The following POLH variants were observed in gnomAD, a reference collection of about 807,000 sequenced individuals.
POLH encodes the protein DNA polymerase eta.
POLH carries 53 observed loss-of-function variants against 73.6 expected under a neutral mutation model. The ratio of observed to expected loss-of-function variants is 0.72; its 90% confidence interval spans 0.58 to 0.91. The LOEUF (loss-of-function observed/expected upper bound fraction) is 0.91, where lower values mean the gene tolerates loss of function less well. Ranked by LOEUF, POLH falls within the 40% of genes least tolerant of loss-of-function variation. POLH has a pLI of 0.00. For missense variants in POLH, 768 were observed against 865.4 expected, an observed-to-expected ratio of 0.89 and a Z score of 1.41; for synonymous variants, 292 against 308.5, an observed-to-expected ratio of 0.95 and a Z score of 0.56.
chr6:43,595,845 C>CTT (rs112457060), intron 4 of POLH, among the ~76,000 whole-genome samples: 1 of 146,814 alleles, frequency 6.8e-6, no homozygotes, highest in Non-Finnish European at 1.5e-5. Context: ...ATGTATTTTT[C>CTT]TTTTTTTTTT....
At chr6:43,586,516 T>G (rs1764837050) in intron 3 of POLH, among the ~76,000 whole-genome samples, 1 of 152,074 alleles carries the variant, frequency 6.6e-6, no homozygotes, top group African/African-American at 2.4e-5. Flanking sequence ...ATCTGTATAT[T>G]GTCGTAGAAA....
At position 43,601,025 on chromosome 6, in the gene POLH, A is replaced by G. The variant is rs61756403; in HGVS notation, c.698A>G (p.Asn233Ser). The G allele has an allele frequency of 2.8e-4, 451 of 1,614,182 alleles. 3 individuals are homozygous for G. The Admixed American group carries it at 6.7e-3, about 24-fold the overall frequency. Residue 233 changes from asparagine (N) to serine (S), a missense_variant, in exon 6 of 11, where the codon AAC (asparagine) becomes AGC (serine). Physicochemically the swap from Asn to Ser is conservative, Grantham distance 46 (BLOSUM62 1). Transcript: ENST00000372236. ...CTGGCCTGTGGACTAAACAAGCCCA[A>G]CCGCCAAACCCTGGTTTCACATGGG... The part of the protein sequence containing the change: ...AKLACGLNKP[N>S]RQTLVSHGSV...
intron 4 of POLH, 151 bp from the exon 5 acceptor site, chr6:43,597,545 T>C: frequency 1.5e-6 from 1 of 671,714 alleles, no homozygotes; most frequent in Non-Finnish European, 2.6e-6. Context: ...GAAATTGAGC[T>C]CTCTTATAAT....
At position 43,617,295 on chromosome 6, in the gene POLH, C is replaced by T. The variant is rs1274592944; in HGVS notation, c.*2738C>T. Among the ~76,000 whole-genome samples the T allele has an allele frequency of 6.6e-6, 1 of 152,140 alleles. No homozygotes were observed. The highest frequency in any genetic ancestry group is 1.5e-5 in the Non-Finnish European group (1 of 68,050). The stretch of plus-strand genomic sequence containing the variant: ...TTATTAGAAATAGTCTCAGCCTCAC[C>T]ACTATTCCCACTTAATTGTAATCTG... On this transcript the variant is annotated 3_prime_UTR_variant, in exon 11 of 11. Coordinates refer to ENST00000372236, the MANE Select transcript of POLH (RefSeq NM_006502.3).
In POLH at chr6:43,614,814, G is replaced by GT; in HGVS notation, c.*258dup. 1 of 462,480 alleles carries GT rather than the reference G, an allele frequency of 2.2e-6. No homozygotes were observed. Among genetic ancestry groups the GT allele is most frequent in the Non-Finnish European group, 3.8e-6 (1 of 261,320 alleles). The allele number at this position is 462,480 out of a possible 1,614,324, so 28.6% of individuals were successfully genotyped here. A position where few individuals can be genotyped will look rare whatever the true frequency, so the allele number is the denominator to read the frequency against. On this transcript the variant is annotated 3_prime_UTR_variant, in exon 11 of 11. Transcript: ENST00000372236. The stretch of plus-strand genomic sequence containing the variant: ...GCATTTAGGGAGGCAGTGTCATAAA[G>GT]TAAAAAGTGTGTGGGCCTTGGAGTC...
Position 43,597,688 on chromosome 6 carries a change from C to A in POLH, c.491-8C>A. ...AATGTCTAAATGTGAGTTCTTAATT[C>A]ATTTCAGAGGGGATGCGAAAACAAG... On this transcript the variant is annotated splice_polypyrimidine_tract_variant and splice_region_variant and intron_variant, in intron 4 of 10. Transcript: ENST00000372236. The A allele has an allele frequency of 1.2e-6, 2 of 1,611,080 alleles. No individual in the cohort carries two copies. Among genetic ancestry groups the A allele is most frequent in the Non-Finnish European group, 1.7e-6 (2 of 1,177,362 alleles).
In POLH at chr6:43,587,432, A is replaced by C. The variant is rs1031362847; in HGVS notation, c.433A>C (p.Thr145Pro). 6.2e-7 allele frequency: 1 copy of C among 1,614,220 alleles called. No individual in the cohort carries two copies. ...TATCTCGGCAGACTTGTTGCCAAGC[A>C]CTTACATTGAAGGGTTGCCCCAAGG... ...QPISADLLPS[T>P]YIEGLPQGPT... is the part of the protein sequence containing the mutation. The change falls in exon 4 of 11, where the codon ACT (threonine) becomes CCT (proline). Residue 145 changes from threonine to proline, a missense_variant. Coordinates refer to ENST00000372236, the MANE Select transcript of POLH (RefSeq NM_006502.3).
At position 43,614,663 on chromosome 6, in the gene POLH, A is replaced by C. The variant is rs941333918; in HGVS notation, c.*106A>C. On this transcript the variant is annotated 3_prime_UTR_variant, in exon 11 of 11. Transcript: ENST00000372236. ...TTTCCCTGAGAAAGGGAATTATGAAATTTTTAATACAAAAAATAATCCATT... is the reference window on the plus strand; with the variant it reads ...TTTCCCTGAGAAAGGGAATTATGAACTTTTTAATACAAAAAATAATCCATT... The C allele has an allele frequency of 9.7e-7, 1 of 1,032,172 alleles. No homozygotes were observed. The highest frequency in any genetic ancestry group is 2.4e-5 in the Admixed American group (1 of 41,150). 63.9% of individuals were successfully genotyped at this position (1,032,172 alleles called of 1,614,324 possible). A position where few individuals can be genotyped will look rare whatever the true frequency, so the allele number is the denominator to read the frequency against.
At chr6:43,594,236 C>T (rs1433453509) in intron 4 of POLH, among the ~76,000 whole-genome samples, 1 of 152,050 alleles carries the variant, frequency 6.6e-6, no homozygotes, top group Non-Finnish European at 1.5e-5. Flanking sequence ...GAAAGTCATA[C>T]AATTACAGTA....
In POLH at chr6:43,610,562, G is replaced by T. The variant is rs1767786898; in HGVS notation, c.1083G>T (p.Arg361Ser). The change falls in exon 10 of 11, where the codon AGG (arginine) becomes AGT (serine). Residue 361 changes from arginine to serine, a missense_variant. Physicochemically the swap from Arg to Ser is moderately radical, Grantham distance 110 (BLOSUM62 -1). Transcript: ENST00000372236. Reference sequence around the variant, plus strand: ...ATCCTTTCCACCCACAGAATGACAGGGTAGCCACCCAGCTGGTTGTGAGCA... The same window carrying T: ...ATCCTTTCCACCCACAGAATGACAGTGTAGCCACCCAGCTGGTTGTGAGCA... Reference protein sequence around the residue: ...RLTKDRNDNDRVATQLVVSIR... With the variant: ...RLTKDRNDNDSVATQLVVSIR... The T allele has an allele frequency of 6.2e-7, 1 of 1,613,782 alleles. No homozygotes were observed. Among genetic ancestry groups the T allele is most frequent in the Non-Finnish European group, 8.5e-7 (1 of 1,179,922 alleles).
intron 1 of POLH, among the ~76,000 whole-genome samples, chr6:43,579,507 G>C (rs1417498579): frequency 6.6e-6 from 1 of 152,172 alleles, no homozygotes; most frequent in Non-Finnish European, 1.5e-5. Flanking sequence ...CCCAGGGAGG[G>C]CATGCCTTGC....
At chr6:43,580,860 C>A (rs1292266706) in intron 1 of POLH, among the ~76,000 whole-genome samples, 43 of 148,270 alleles carry the variant, frequency 2.9e-4, no homozygotes, top group African/African-American at 1.1e-3. Context: ...CGCCCCTCAC[C>A]TCCCAGACGG....
At chr6:43,603,025 G>C (rs1443956790) in intron 6 of POLH, among the ~76,000 whole-genome samples, 1 of 91,206 alleles carries the variant, frequency 1.1e-5, no homozygotes, top group Non-Finnish European at 2.0e-5. Flanking sequence ...TTTTGAAACA[G>C]AGTCTTGCTC....
Position 43,603,942 on chromosome 6 carries a change from T to C in POLH, c.815T>C (p.Ile272Thr), listed in dbSNP as rs147712217. 1.2e-3 allele frequency: 2,014 copies of C among 1,612,916 alleles called. 7 individuals are homozygous for C. The highest frequency in any genetic ancestry group is 4.9e-3 in the South Asian group (449 of 91,056). ...GCCTCTGTCATTGAGATCCTAGGGA[T>C]AGAATACATGGGTGAACTGACCCAG... ...LGASVIEILG[I>T]EYMGELTQFT... The change falls in exon 7 of 11, where the codon ATA becomes ACA. Residue 272 changes from isoleucine to threonine, a missense_variant. Ile to Thr is a moderately conservative substitution (Grantham distance 89). Transcript: ENST00000372236.
chr6:43,589,325 C>T (rs1765190804), intron 4 of POLH, among the ~76,000 whole-genome samples: 1 of 152,216 alleles, frequency 6.6e-6, no homozygotes, highest in Admixed American at 6.5e-5. Context: ...CCTGCTCTAA[C>T]AGTTTACATT....
rs1767800770 is a variant in POLH at position 43,610,731 on chromosome 6, C to A, written c.1244+8C>A. 1 of 1,603,866 alleles carries A rather than the reference C, an allele frequency of 6.2e-7. No homozygotes were observed. Among genetic ancestry groups the A allele is most frequent in the Non-Finnish European group, 8.5e-7 (1 of 1,172,702 alleles). Reference sequence around the variant, plus strand: ...TGGAATCCAGACAGAATGGTGAGTTCTTTTCTAGCTCATCTTCTCAGAATA... The same window carrying A: ...TGGAATCCAGACAGAATGGTGAGTTATTTTCTAGCTCATCTTCTCAGAATA... On this transcript the variant is annotated splice_region_variant and intron_variant, in intron 10 of 10. Coordinates refer to ENST00000372236, the MANE Select transcript of POLH (RefSeq NM_006502.3).
chr6:43,579,913 TTA>T (rs201151099), intron 1 of POLH, among the ~76,000 whole-genome samples: 8,760 of 148,816 alleles, frequency 0.059, 396 homozygotes, highest in African/African-American at 0.13. Context: ...TTTTTTTTTT[TTA>T]AATTTATTTT....
chr6:43,611,349 A>T (rs1767862528), intron 10 of POLH, among the ~76,000 whole-genome samples: 1 of 152,190 alleles, frequency 6.6e-6, no homozygotes, highest in Admixed American at 6.5e-5. Context: ...ATATTTCTTG[A>T]TTATAAAGGT....
intron 4 of POLH, among the ~76,000 whole-genome samples, chr6:43,597,218 C>T (rs1034809597): frequency 5.9e-5 from 9 of 152,078 alleles, no homozygotes; most frequent in Non-Finnish European, 8.8e-5. Flanking sequence ...TGGGTTCAAG[C>T]GAATCTCCTG....
Sources: allele counts gnomAD v4.1 joint callset (sites outside exome capture counted in the v4.1 genomes callset), GRCh38; gene constraint gnomAD v4.1.1; transcripts MANE v1.5; gene names NCBI Gene and HGNC (gene_info 2026-07-23, HGNC 2026-07-21).